The following ADAP1 variants were observed in gnomAD, a reference collection of about 807,000 sequenced individuals.
ADAP1 encodes ArfGAP with dual PH domains 1, also known as arf-GAP with dual PH domain-containing protein 1.
In ADAP1, 31 loss-of-function variants were observed where a neutral mutation model predicts 54.9. That is an observed-to-expected ratio of 0.56 (90% confidence interval 0.42 to 0.76). The LOEUF is 0.76. ADAP1 is among the 30% of genes least tolerant of loss of function. The pLI is 0.00. For missense variants in ADAP1, 535 were observed against 512.4 expected (o/e 1.04, Z -0.42); for synonymous variants, 313 against 202.6 (o/e 1.55, Z -4.63).
chr7:919,398 C>A (rs1351413026), intron 4 of ADAP1, among the ~76,000 whole-genome samples: 3 of 152,116 alleles, frequency 2.0e-5, no homozygotes, highest in Non-Finnish European at 2.9e-5. Context: ...CAGGGCTGGA[C>A]TGTAGACAGC....
At chr7:930,619 G>A (rs1846542729) in intron 2 of ADAP1, among the ~76,000 whole-genome samples, 1 of 151,816 alleles carries the variant, frequency 6.6e-6, no homozygotes, top group African/African-American at 2.4e-5. Flanking sequence ...AAGAGTTCAA[G>A]GCCAGCCTGG....
upstream of ADAP1, chr7:955,323 C>A (rs754913628): frequency 4.5e-6 from 7 of 1,550,182 alleles, no homozygotes; most frequent in Admixed American, 2.0e-5. Flanking sequence ...CCTTCCTCTG[C>A]ACACCCCAGC....
In ADAP1 at chr7:906,555, AGAAAGG is replaced by A. The variant is rs1157689449; in HGVS notation, c.389-1389_389-1384del. On this transcript the variant is annotated intron_variant, in intron 4 of 10. Coordinates refer to ENST00000265846, the MANE Select transcript of ADAP1 (RefSeq NM_006869.4). ...AGGAGAAAGGAGAAGGGAGAAAGGG[AGAAAGG>A]GAAAGGAGAAAGGGAAAGGAGAAAG... Among the ~76,000 whole-genome samples, 4 of 14,554 alleles carry A rather than the reference AGAAAGG, an allele frequency of 2.7e-4. 1 individual carries two copies. Among genetic ancestry groups the A allele is most frequent in the Non-Finnish European group, 3.2e-4 (3 of 9,432 alleles). 9.5% of individuals were successfully genotyped at this position (14,554 alleles called of 152,430 possible).
intron 1 of ADAP1, among the ~76,000 whole-genome samples, chr7:948,372 T>C (rs1714996473): frequency 6.6e-6 from 1 of 152,004 alleles, no homozygotes; most frequent in Admixed American, 6.6e-5. Flanking sequence ...AAGCGCTCCA[T>C]GGTGGCCCGA....
chr7:918,648 T>C (rs1534410), intron 4 of ADAP1, among the ~76,000 whole-genome samples: 74,844 of 152,050 alleles, frequency 0.49, 19,523 homozygotes, highest in East Asian at 0.66. Flanking sequence ...CATCCAGCCT[T>C]TGGACCCCGC....
rs150718412 is a variant in ADAP1, at chr7:905,180, G to C, written c.389-8C>G. On this transcript the variant is annotated splice_region_variant and splice_polypyrimidine_tract_variant and intron_variant, in intron 4 of 10. Coordinates refer to ENST00000265846, the MANE Select transcript of ADAP1 (RefSeq NM_006869.4). Reference sequence around the variant, plus strand: ...GAAAACCCTCACGGTACCCTGTGGGGGAAAGGGGACACGAGTCGGTGACAG... The same window carrying C: ...GAAAACCCTCACGGTACCCTGTGGGCGAAAGGGGACACGAGTCGGTGACAG... The C allele has an allele frequency of 7.5e-3, 12,006 of 1,609,926 alleles. 153 individuals are homozygous for C. Among genetic ancestry groups the C allele is most frequent in the Admixed American group, 8.6e-3 (514 of 60,000 alleles).
In ADAP1 at chr7:900,888, C is replaced by CGAAGGGCCGAA. The variant is rs370585752; in HGVS notation, c.649-273_649-272insTTCGGCCCTTC. ...GAGAAGGGCCGAAGGGCCGAAGGGC[C>CGAAGGGCCGAA]GGGCCGGGCCGGGCTGGACAGGGTC... On this transcript the variant is annotated intron_variant, in intron 6 of 10. Coordinates refer to ENST00000265846, the MANE Select transcript of ADAP1 (RefSeq NM_006869.4). 2,578 of 594,552 alleles carry CGAAGGGCCGAA rather than the reference C, an allele frequency of 4.3e-3. 42 individuals are homozygous for CGAAGGGCCGAA. The highest frequency in any genetic ancestry group is 0.035 in the African/African-American group (1,772 of 51,028). 36.8% of individuals were successfully genotyped at this position (594,552 alleles called of 1,614,324 possible). A position where few individuals can be genotyped will look rare whatever the true frequency, so the allele number is the denominator to read the frequency against.
rs748631822 is a variant in ADAP1, at chr7:899,214, G to A, written c.915C>T (p.Gly305=). 1.2e-6 allele frequency: 2 copies of A among 1,612,752 alleles called. No individual in the cohort carries two copies. The highest frequency in any genetic ancestry group is 3.3e-5 in the Admixed American group (2 of 60,034). ...GEVFIGSKES[G]YTVLHGFPPS... ...GCGGGAACCCATGCAGCACCGTGTA[G>A]CCACTCTCCTTGCTGCCAATGAAGA... Residue 305 remains glycine (G), a synonymous_variant, in exon 10 of 11, where the codon GGC becomes GGT. Transcript: ENST00000265846.
rs1225763211 is a variant in ADAP1 at position 905,390 on chromosome 7, GGAGAAAGGAGAAAGGAGAAAGGGAGAAA to G, written c.389-246_389-219del. The G allele has an allele frequency of 1.0e-3, 273 of 264,148 alleles. 61 individuals are homozygous for G. Among genetic ancestry groups the G allele is most frequent in the East Asian group, 2.2e-3 (30 of 13,342 alleles). 16.4% of individuals were successfully genotyped at this position (264,148 alleles called of 1,614,324 possible). ...GGAAAGGGAAAGGAGAAAGGAGAAA[GGAGAAAGGAGAAAGGAGAAAGGGAGAAA>G]GAGAAAGGAGAAAGGAGAAAGGGAG... On this transcript the variant is annotated intron_variant, in intron 4 of 10. Coordinates refer to ENST00000265846, the MANE Select transcript of ADAP1 (RefSeq NM_006869.4).
intron 4 of ADAP1, among the ~76,000 whole-genome samples, chr7:916,733 C>T (rs1342283165): frequency 5.3e-5 from 8 of 152,254 alleles, no homozygotes. Flanking sequence ...CCTGCACAGG[C>T]TGGCTGTGTG....
intron 4 of ADAP1, among the ~76,000 whole-genome samples, chr7:907,443 C>T (rs1032199578): frequency 8.5e-5 from 13 of 152,128 alleles, no homozygotes; most frequent in Admixed American, 5.9e-4. Context: ...CTGCCCACTC[C>T]GAGTCTCGGG....
chr7:945,903 G>A lies in ADAP1; in HGVS notation c.82+8493C>T, dbSNP rs1381710199. The A allele has an allele frequency of 4.3e-5, 38 of 888,274 alleles. No homozygotes were observed. Among genetic ancestry groups the A allele is most frequent in the Non-Finnish European group, 4.7e-5 (35 of 741,322 alleles). 55.0% of individuals were successfully genotyped at this position (888,274 alleles called of 1,614,324 possible). On this transcript the variant is annotated intron_variant, in intron 1 of 10. Transcript: ENST00000265846. This position sits in a 1 kb window ranked among gnomAD's most constrained non-coding sequence, Gnocchi z 4.2. ...CAAGCCAAGGCCCAGGCTGGGGCACGGGCAGGGGGAAGGGCAGTAGCCAAG... is the reference window on the plus strand; with the variant it reads ...CAAGCCAAGGCCCAGGCTGGGGCACAGGCAGGGGGAAGGGCAGTAGCCAAG...
chr7:900,849 C>T, intron 6 of ADAP1: 1 of 638,276 alleles, frequency 1.6e-6, no homozygotes, highest in South Asian at 1.6e-5. Flanking sequence ...TGCAGCCTCC[C>T]CCGGCGAAGT....
In ADAP1 at chr7:899,214, G is replaced by C; in HGVS notation, c.915C>G (p.Gly305=). The change falls in exon 10 of 11, where the codon GGC becomes GGG. Residue 305 remains glycine, a synonymous_variant. Transcript: ENST00000265846. ...GEVFIGSKES[G]YTVLHGFPPS... ...GCGGGAACCCATGCAGCACCGTGTA[G>C]CCACTCTCCTTGCTGCCAATGAAGA... The C allele has an allele frequency of 6.2e-7, 1 of 1,612,752 alleles. No homozygotes were observed. The highest frequency in any genetic ancestry group is 8.5e-7 in the Non-Finnish European group (1 of 1,179,974).
intron 4 of ADAP1, among the ~76,000 whole-genome samples, chr7:919,562 T>C (rs757611654): frequency 4.3e-5 from 4 of 92,930 alleles, no homozygotes; most frequent in Non-Finnish European, 8.9e-5. Context: ...GAGACAGAGA[T>C]AGAGAGAGGA....
chr7:930,979 C>CA (rs545321889), intron 2 of ADAP1, among the ~76,000 whole-genome samples: 25,887 of 82,914 alleles, frequency 0.31, 3,023 homozygotes, highest in Middle Eastern at 0.41. Flanking sequence ...GACTGTGTCT[C>CA]AAAAAAAAAA....
At chr7:937,394 ACCTCTGGGATTTGGGGGTCACGCCCGG>A (rs1846804116) in intron 1 of ADAP1, among the ~76,000 whole-genome samples, 5 of 7,480 alleles carry the variant, frequency 6.7e-4, no homozygotes, top group Non-Finnish European at 8.5e-4. Context: ...GTCACGCCCG[ACCTCTGGGATTTGGGGGTCACGCCCGG>A]CCTCTGGGAT....
intron 4 of ADAP1, among the ~76,000 whole-genome samples, chr7:907,231 G>A (rs1341944854): frequency 1.3e-5 from 2 of 152,164 alleles, no homozygotes; most frequent in African/African-American, 4.8e-5. Context: ...TAAGCACCTG[G>A]ACACGCCACC....
intron 4 of ADAP1, among the ~76,000 whole-genome samples, chr7:909,858 T>TC (rs1554273164): frequency 1.6e-4 from 24 of 150,930 alleles, no homozygotes; most frequent in Admixed American, 1.6e-3. Flanking sequence ...TGGTGTGGGG[T>TC]GGGGGGGGTT....
Sources: allele counts gnomAD v4.1 joint callset (sites outside exome capture counted in the v4.1 genomes callset), GRCh38; gene constraint gnomAD v4.1.1; non-coding constraint Gnocchi (gnomAD v3.1); transcripts MANE v1.5; gene names NCBI Gene and HGNC (gene_info 2026-07-23, HGNC 2026-07-21).